PCLO: variants seen among roughly 807,000 people sequenced by gnomAD.
PCLO encodes protein piccolo.
A neutral mutation model predicts 427.5 loss-of-function variants in PCLO; 82 were observed. That is an observed-to-expected ratio of 0.19 (90% CI 0.16 to 0.23). PCLO has a LOEUF of 0.23. Among genes scored for constraint, PCLO ranks in the 10% least tolerant of loss-of-function variants. The probability of loss-of-function intolerance (pLI) is 1.00; values close to 1 mark genes in which losing one functional copy is unlikely to be tolerated. For synonymous variants in PCLO, 2,357 were observed against 2,155.4 expected, an observed-to-expected ratio of 1.09 and a Z score of -2.59; for missense variants, 6,239 against 6,115.9, an observed-to-expected ratio of 1.02 and a Z score of -0.67.
intron 6 of PCLO, among the ~76,000 whole-genome samples, chr7:82,939,393 TTA>T (rs1795027194): frequency 6.6e-6 from 1 of 152,028 alleles, no homozygotes; most frequent in Non-Finnish European, 1.5e-5. Context: ...TAAATATATT[TTA>T]TGTTTACAGT....
chr7:83,158,599 A>T (rs1792357372), intron 1 of PCLO, among the ~76,000 whole-genome samples: 1 of 152,020 alleles, frequency 6.6e-6, no homozygotes, highest in Non-Finnish European at 1.5e-5. Context: ...TCATTGTTTT[A>T]ATATTTCACT....
Position 83,162,387 on chromosome 7 carries a change from C to CGG in PCLO, c.205_206insCC (p.Gly69AlafsTer68), listed in dbSNP as rs1351981669. 6.3e-7 allele frequency: 1 copy of CGG among 1,599,844 alleles called. No individual in the cohort carries two copies. Among genetic ancestry groups the CGG allele is most frequent in the South Asian group, 1.1e-5 (1 of 88,596 alleles). On this transcript the variant is annotated frameshift_variant, in exon 1 of 25. Transcript: ENST00000333891. LOFTEE classifies it high-confidence loss of function. ...CTCCGCAGCGGCCGGGGGGACGCTTCCCTTGGGCAGCCCCTGCGCCCTTGA... is the reference window on the plus strand; with the variant it reads ...CTCCGCAGCGGCCGGGGGGACGCTTCGGCCTTGGGCAGCCCCTGCGCCCTTGA...
chr7:82,951,604 G>T, intron 5 of PCLO, 114 bp from the exon 6 acceptor site: 1 of 862,898 alleles, frequency 1.2e-6, no homozygotes, highest in Non-Finnish European at 1.8e-6. Flanking sequence ...CAAATCCACA[G>T]GGTAACCTAA....
intron 3 of PCLO, among the ~76,000 whole-genome samples, chr7:83,050,208 G>GAAAAAAAAAAAAAAAAAA (rs556193471): frequency 7.3e-4 from 4 of 5,458 alleles, no homozygotes; most frequent in Non-Finnish European, 7.2e-4. Flanking sequence ...CTGAAAAACT[G>GAAAAAAAAAAAAAAAAAA]AAAAAAAAAA....
chr7:83,000,268 T>TGAGAGAGA (rs145445022), intron 3 of PCLO, among the ~76,000 whole-genome samples: 25 of 54,114 alleles, frequency 4.6e-4, no homozygotes, highest in Admixed American at 1.1e-3. Context: ...TTCAAAGTGT[T>TGAGAGAGA]GAGAGAGAGA....
intron 3 of PCLO, among the ~76,000 whole-genome samples, chr7:83,056,775 G>A (rs1789388740): frequency 6.6e-6 from 1 of 152,042 alleles, no homozygotes; most frequent in African/African-American, 2.4e-5. Flanking sequence ...AGATGTTAAG[G>A]TGAGCAAAAA....
chr7:82,928,828 T>A (rs887043391), intron 6 of PCLO, among the ~76,000 whole-genome samples: 2 of 152,186 alleles, frequency 1.3e-5, no homozygotes, highest in Non-Finnish European at 2.9e-5. Context: ...ATACACATAC[T>A]GTACAGTGGT....
chr7:82,944,497 T>C (rs1306596795), intron 6 of PCLO, among the ~76,000 whole-genome samples: 1 of 152,018 alleles, frequency 6.6e-6, no homozygotes, highest in Non-Finnish European at 1.5e-5. Flanking sequence ...TAGATGATGA[T>C]AGGCAAAATG....
At chr7:82,822,745 A>G (rs1791827231) in intron 19 of PCLO, 56 bp from the exon 20 acceptor site, 1 of 1,494,852 alleles carries the variant, frequency 6.7e-7, no homozygotes, top group Non-Finnish European at 9.3e-7. Context: ...CCTCCTATCA[A>G]GCTTGGTTTA....
chr7:83,134,433 C>T lies in PCLO; in HGVS notation c.3117G>A (p.Glu1039=), dbSNP rs759212232. ...PIKDSKSLTA[E]PQKAVLPTKL... ...TTGTGGGAAGGACAGCCTTTTGAGG[C>T]TCAGCTGTTAAAGATTTGCTATCCT... is the stretch of plus-strand genomic sequence containing the variant. The change falls in exon 3 of 25, where the codon GAG becomes GAA. Residue 1039 remains glutamate (E), a synonymous_variant. Transcript: ENST00000333891. 1 of 1,613,862 alleles carries T rather than the reference C, an allele frequency of 6.2e-7. No homozygotes were observed. Among genetic ancestry groups the T allele is most frequent in the Non-Finnish European group, 8.5e-7 (1 of 1,179,856 alleles).
chr7:83,070,612 C>T (rs1789789123), intron 3 of PCLO, among the ~76,000 whole-genome samples: 1 of 152,178 alleles, frequency 6.6e-6, no homozygotes, highest in Admixed American at 6.5e-5. Flanking sequence ...TAGTCTCCAT[C>T]TCCTGACCTT....
At chr7:82,825,028 G>A (rs1416261170) in intron 18 of PCLO, among the ~76,000 whole-genome samples, 1 of 152,082 alleles carries the variant, frequency 6.6e-6, no homozygotes, top group Non-Finnish European at 1.5e-5. Flanking sequence ...CTTGAAAAAT[G>A]TTTGATTTTA....
intron 10 of PCLO, among the ~76,000 whole-genome samples, chr7:82,861,907 A>T (rs1389181484): frequency 2.0e-5 from 3 of 152,014 alleles, no homozygotes; most frequent in African/African-American, 7.2e-5. Context: ...GAAATTGTAA[A>T]ATTTCTTGAA....
chr7:82,792,499 C>T (rs1244256176), intron 22 of PCLO, among the ~76,000 whole-genome samples: 2 of 151,712 alleles, frequency 1.3e-5, no homozygotes, highest in Non-Finnish European at 1.5e-5. Context: ...AGCTAATTTT[C>T]GTATTTTTTT....
At chr7:82,839,410 A>C (rs150399509) in intron 14 of PCLO, among the ~76,000 whole-genome samples, 1 of 152,170 alleles carries the variant, frequency 6.6e-6, no homozygotes, top group Non-Finnish European at 1.5e-5. Context: ...TCCAGAAAAG[A>C]CTAGAGTCCC....
intron 3 of PCLO, among the ~76,000 whole-genome samples, chr7:83,024,964 C>G (rs1403535273): frequency 6.6e-6 from 1 of 152,156 alleles, no homozygotes; most frequent in Non-Finnish European, 1.5e-5. Context: ...ACATCACCAT[C>G]ATCAAAGACC....
At chr7:82,809,823 T>G (rs546519231) in intron 20 of PCLO, among the ~76,000 whole-genome samples, 16 of 151,562 alleles carry the variant, frequency 1.1e-4, no homozygotes, top group Non-Finnish European at 2.1e-4. Flanking sequence ...AGAGATAACT[T>G]TACTCTGTCA....
chr7:83,071,657 A>ATCTT (rs1789818962), intron 3 of PCLO, among the ~76,000 whole-genome samples: 1 of 152,168 alleles, frequency 6.6e-6, no homozygotes, highest in African/African-American at 2.4e-5. Flanking sequence ...GTCACTAATA[A>ATCTT]TACATCATGA....
At chr7:82,979,894 A>C (rs983817265) in intron 3 of PCLO, among the ~76,000 whole-genome samples, 2 of 152,230 alleles carry the variant, frequency 1.3e-5, no homozygotes, top group African/African-American at 4.8e-5. Flanking sequence ...CATAACAACC[A>C]AAAGTGAATA....
Sources: gnomAD v4.1 joint callset for allele counts (sites outside exome capture counted in the v4.1 genomes callset) on GRCh38, gnomAD v4.1.1 for gene constraint, MANE v1.5 for transcripts, NCBI Gene and HGNC (gene_info 2026-07-23, HGNC 2026-07-21) for gene names.